MYO15A: variants seen among roughly 807,000 people sequenced by gnomAD.
The protein encoded by MYO15A is unconventional myosin-XV.
MYO15A carries 308 observed loss-of-function variants against 394.6 expected under a neutral mutation model. The ratio of observed to expected loss-of-function variants is 0.78; its 90% CI spans 0.71 to 0.86. The LOEUF is 0.86. Among genes scored for constraint, MYO15A ranks in the 40% least tolerant of loss-of-function variants. The pLI, the probability that MYO15A is intolerant of heterozygous loss-of-function variation, is 0.00. For synonymous variants in MYO15A, 1,957 were observed against 2,003.8 expected (o/e 0.98, Z 0.62); for missense variants, 4,606 against 4,799.1 (o/e 0.96, Z 1.19).
chr17:18,143,761 C>A lies in MYO15A; in HGVS notation c.6011C>A (p.Pro2004Gln), dbSNP rs756172590. 3 of 1,596,720 alleles carry A rather than the reference C, an allele frequency of 1.9e-6. No homozygotes were observed. Among genetic ancestry groups the A allele is most frequent in the East Asian group, 2.3e-5 (1 of 44,004 alleles). The change falls in exon 27 of 66, where the codon CCG becomes CAG. Residue 2004 changes from proline (P) to glutamine (Q), a missense_variant. Pro to Gln is a moderately conservative substitution (Grantham distance 76). Coordinates refer to ENST00000647165, the MANE Select transcript of MYO15A (RefSeq NM_016239.4). ...EVVAVGHLEV[P>Q]AELAGLLQAV... ...GTCGCTGTGGGGCACCTGGAGGTAC[C>A]GGCTGAGCTGGCTGGGCTCTTGCAA...
rs555850466 is a variant in MYO15A, at chr17:18,119,169, C to T, written c.369C>T (p.Arg123=). ...GRRGYGRLRP[R]ARSLSKASTA... is the part of the protein sequence containing the mutation. ...GTGGCTACGGCCGCCTGCGGCCGCGCGCCCGGTCACTCAGCAAAGCGTCCA... is the reference window on the plus strand; with the variant it reads ...GTGGCTACGGCCGCCTGCGGCCGCGTGCCCGGTCACTCAGCAAAGCGTCCA... The change falls in exon 2 of 66, where the codon CGC becomes CGT. Residue 123 remains arginine (R), a synonymous_variant. Coordinates refer to ENST00000647165, the MANE Select transcript of MYO15A (RefSeq NM_016239.4). 2.5e-6 allele frequency: 4 copies of T among 1,612,234 alleles called. No individual in the cohort carries two copies. Among genetic ancestry groups the T allele is most frequent in the Middle Eastern group, 1.7e-4 (1 of 6,056 alleles).
At chr17:18,168,792 C>A (rs1353156488) in intron 62 of MYO15A, among the ~76,000 whole-genome samples, 1 of 151,792 alleles carries the variant, frequency 6.6e-6, no homozygotes, top group Non-Finnish European at 1.5e-5. Flanking sequence ...GTCTCAAGAC[C>A]TTTTTACACT....
chr17:18,152,484 C>T (rs1372743864), intron 42 of MYO15A, among the ~76,000 whole-genome samples: 7 of 152,168 alleles, frequency 4.6e-5, no homozygotes, highest in Non-Finnish European at 2.9e-5. Context: ...GGTCACACAG[C>T]TCAAAAGTGT....
chr17:18,157,355 G>A, intron 50 of MYO15A, 125 bp downstream of exon 50: 1 of 1,319,486 alleles, frequency 7.6e-7, no homozygotes, highest in Non-Finnish European at 1.1e-6. Context: ...GTCTCCTAAG[G>A]TCCAGCCGTG....
rs761861080 is a variant in MYO15A, at chr17:18,155,423, G to C, written c.8450G>C (p.Arg2817Pro). Residue 2817 changes from arginine to proline, a missense_variant, in exon 47 of 66, where the codon CGT (arginine) becomes CCT (proline). Physicochemically the swap from Arg to Pro is moderately radical, Grantham distance 103. This residue lies in a region of MYO15A where 2,776 missense variants were observed against 3,109.3 expected (regional missense o/e 0.89). Transcript: ENST00000647165. ...GCCGGCGGGCAGCTGCGGGTCCTGC[G>C]TGCATACAGGTGACCAGCAGGGGTG... Reference protein sequence around the residue: ...QEAGGQLRVLRAYSFADILFV... With the variant: ...QEAGGQLRVLPAYSFADILFV... The C allele has an allele frequency of 6.2e-7, 1 of 1,612,972 alleles. No individual in the cohort carries two copies. Among genetic ancestry groups the C allele is most frequent in the South Asian group, 1.1e-5 (1 of 91,068 alleles).
rs2046701265 is a variant in MYO15A at position 18,157,751 on chromosome 17, G to A, written c.8818G>A (p.Val2940Met). The A allele has an allele frequency of 6.2e-7, 1 of 1,606,370 alleles. No homozygotes were observed. Among genetic ancestry groups the A allele is most frequent in the Non-Finnish European group, 8.5e-7 (1 of 1,179,870 alleles). Reference protein sequence around the residue: ...GWRFGTIHGRVGRFPSELVQP... With the variant: ...GWRFGTIHGRMGRFPSELVQP... The stretch of plus-strand genomic sequence containing the variant: ...GAGGTTCGGGACCATCCACGGGCGC[G>A]TGGGCCGCTTCCCTTCGGAGCTGGT... The change falls in exon 51 of 66, where the codon GTG (valine) becomes ATG (methionine). Residue 2940 changes from valine to methionine, a missense_variant. Physicochemically the swap from Val to Met is conservative, Grantham distance 21 (BLOSUM62 1). Around this residue, in one of 2 missense-constraint regions of MYO15A, gnomAD observed 2,776 missense variants for 3,109.3 expected, o/e 0.89. Transcript: ENST00000647165.
At chr17:18,171,310 T>C (rs2046937014) in intron 62 of MYO15A, among the ~76,000 whole-genome samples, 1 of 152,192 alleles carries the variant, frequency 6.6e-6, no homozygotes, top group South Asian at 2.1e-4. Context: ...AGGATGAAAT[T>C]GCCTTGGGTT....
In MYO15A at chr17:18,139,621, G is replaced by A. The variant is rs774349156; in HGVS notation, c.5211+10G>A. On this transcript the variant is annotated intron_variant, in intron 19 of 65. Coordinates refer to ENST00000647165, the MANE Select transcript of MYO15A (RefSeq NM_016239.4). ...ACGGAGCCGGACACGGGTAAGCCTCGCCTCCCACCGCTCTGGCCCTGCCCC... is the reference window on the plus strand; with the variant it reads ...ACGGAGCCGGACACGGGTAAGCCTCACCTCCCACCGCTCTGGCCCTGCCCC... 41 of 1,613,366 alleles carry A rather than the reference G, an allele frequency of 2.5e-5. No individual in the cohort carries two copies. Among genetic ancestry groups the A allele is most frequent in the East Asian group, 1.6e-4 (7 of 44,876 alleles).
rs2046792274 is a variant in MYO15A at position 18,162,585 on chromosome 17, G to A, written c.9518G>A (p.Gly3173Glu). 1 of 1,613,662 alleles carries A rather than the reference G, an allele frequency of 6.2e-7. No homozygotes were observed. The part of the protein sequence containing the change: ...VSRTPGLPFQ[G>E]IAKACEQNLQ... ...AGGCCTGAACTCCCTGCTTCTGCAG[G>A]GATCGCCAAGGCCTGCGAGCAGAAC... The change falls in exon 58 of 66, where the codon GGG becomes GAG. Residue 3173 changes from glycine (G) to glutamate (E), a missense_variant and splice_region_variant. By Grantham distance (98) the Gly-to-Glu change is moderately conservative (BLOSUM62 -2). Coordinates refer to ENST00000647165, the MANE Select transcript of MYO15A (RefSeq NM_016239.4).
At chr17:18,124,593 C>A (rs370144747) in intron 3 of MYO15A, 28 bp downstream of exon 3, 88 of 1,608,648 alleles carry the variant, frequency 5.5e-5, no homozygotes, top group Non-Finnish European at 7.1e-5. Flanking sequence ...GCGGGGTCAG[C>A]AAGGGGTCAC....
chr17:18,140,752 G>A, intron 20 of MYO15A, 35 bp from the exon 21 acceptor site: 1 of 1,614,144 alleles, frequency 6.2e-7, no homozygotes, highest in Non-Finnish European at 8.5e-7. Flanking sequence ...TTCTTTTTCT[G>A]AGGCCTCATG....
At chr17:18,154,070 CG>C in intron 43 of MYO15A, 60 bp from the exon 44 acceptor site, 1 of 1,608,254 alleles carries the variant, frequency 6.2e-7, no homozygotes, top group Non-Finnish European at 8.5e-7. Flanking sequence ...GGGGCGGGGC[CG>C]GGTGTGAAGC....
At chr17:18,116,783 G>A (rs1452777914) in intron 1 of MYO15A, among the ~76,000 whole-genome samples, 2 of 152,102 alleles carry the variant, frequency 1.3e-5, no homozygotes, top group Non-Finnish European at 2.9e-5. Flanking sequence ...GGCCAGGCGT[G>A]GTGGCACATG....
chr17:18,126,279 C>T, intron 4 of MYO15A, 68 bp from the exon 5 acceptor site: 1 of 1,305,440 alleles, frequency 7.7e-7, no homozygotes, highest in Non-Finnish European at 1.1e-6. Flanking sequence ...AGGCTCCCAG[C>T]ATAGGGGAGG....
At chr17:18,176,541 C>CTTTTTTTTTTTTTTTTTTT (rs35105114) in intron 65 of MYO15A, 2 of 93,460 alleles carry the variant, frequency 2.1e-5, no homozygotes, top group Admixed American at 1.2e-4. Context: ...TTTTACTTTT[C>CTTTTTTTTTTTTTTTTTTT]TTTTTTTTTT....
At chr17:18,116,726 T>C (rs1597744563) in intron 1 of MYO15A, among the ~76,000 whole-genome samples, 1 of 151,844 alleles carries the variant, frequency 6.6e-6, no homozygotes, top group East Asian at 1.9e-4. Flanking sequence ...TTTGAGACCA[T>C]CCCGGCCAAC....
At chr17:18,161,066 GGA>G (rs1567660160) in intron 56 of MYO15A, 6 of 651,432 alleles carry the variant, frequency 9.2e-6, no homozygotes, top group Non-Finnish European at 1.7e-5. Context: ...GAGAAGAATA[GGA>G]GAGGAAAGAG....
chr17:18,172,348 C>G (rs1186147746), intron 64 of MYO15A, 58 bp downstream of exon 64: 1 of 1,613,284 alleles, frequency 6.2e-7, no homozygotes, highest in Non-Finnish European at 8.5e-7. Flanking sequence ...GTCCCCAACC[C>G]CCTCCAAGAG....
intron 64 of MYO15A, chr17:18,173,489 C>T (rs2046970282): frequency 2.3e-6 from 1 of 434,062 alleles, no homozygotes; most frequent in African/African-American, 2.0e-5. Context: ...ATGTGAAGTT[C>T]AGGGCACCAA....
Sources: allele counts gnomAD v4.1 joint callset (sites outside exome capture counted in the v4.1 genomes callset), GRCh38; gene constraint gnomAD v4.1.1; regional missense constraint gnomAD v4.1.1; transcripts MANE v1.5; gene names NCBI Gene and HGNC (gene_info 2026-07-23, HGNC 2026-07-21).